GRIK3: variants seen among roughly 807,000 people sequenced by gnomAD.
GRIK3 encodes glutamate receptor ionotropic, kainate 3.
A neutral mutation model predicts 102.5 loss-of-function variants in GRIK3; 29 were observed. That is an observed-to-expected ratio of 0.28 (90% CI 0.21 to 0.39). The LOEUF (loss-of-function observed/expected upper bound fraction) is 0.39, where lower values mean the gene tolerates loss of function less well. GRIK3 is among the 10% of genes least tolerant of loss of function. GRIK3 has a pLI of 1.00. For synonymous variants in GRIK3, 511 were observed against 504.9 expected (o/e 1.01, Z -0.16); for missense variants, 908 against 1,252.4 (o/e 0.73, Z 4.15).
At chr1:36,976,366 AT>A (rs3834055) in intron 1 of GRIK3, among the ~76,000 whole-genome samples, 2 of 151,716 alleles carry the variant, frequency 1.3e-5, no homozygotes, top group South Asian at 2.1e-4. Context: ...ATGAATGTGC[AT>A]TTTTTTTCGG....
intron 1 of GRIK3, among the ~76,000 whole-genome samples, chr1:36,949,184 C>T (rs938171561): frequency 1.3e-5 from 2 of 152,224 alleles, no homozygotes; most frequent in African/African-American, 4.8e-5. Context: ...GGCCCTGGCC[C>T]CAGACACAGA....
intron 5 of GRIK3, among the ~76,000 whole-genome samples, chr1:36,861,334 T>C (rs1310047576): frequency 2.6e-5 from 4 of 152,184 alleles, no homozygotes; most frequent in African/African-American, 9.7e-5. Flanking sequence ...CTATCTGAGC[T>C]CCTCCTCGTC....
intron 1 of GRIK3, among the ~76,000 whole-genome samples, chr1:36,918,534 TCTGACACACCCCTA>T (rs563473709): frequency 0.034 from 5,151 of 152,268 alleles, 201 homozygotes; most frequent in East Asian, 0.1. Flanking sequence ...TGGTTTAATC[TCTGACACACCCCTA>T]AATATTAATA....
chr1:36,855,063 T>C (rs1230228337), intron 7 of GRIK3, among the ~76,000 whole-genome samples: 1 of 152,060 alleles, frequency 6.6e-6, no homozygotes, highest in Non-Finnish European at 1.5e-5. Flanking sequence ...GGCCCACACA[T>C]CCTGGAGTCC....
At chr1:36,908,207 C>T (rs1445093688) in intron 1 of GRIK3, among the ~76,000 whole-genome samples, 1 of 152,226 alleles carries the variant, frequency 6.6e-6, no homozygotes, top group Non-Finnish European at 1.5e-5. Context: ...CCTCTATAAA[C>T]CCCATGCATC....
At chr1:37,007,947 G>A (rs1035498292) in intron 1 of GRIK3, among the ~76,000 whole-genome samples, 1 of 152,312 alleles carries the variant, frequency 6.6e-6, no homozygotes, top group Non-Finnish European at 1.5e-5. Context: ...CTGAGGGCTC[G>A]AGTGCTCTTC....
At chr1:36,936,802 C>A (rs969236169) in intron 1 of GRIK3, among the ~76,000 whole-genome samples, 1 of 120,086 alleles carries the variant, frequency 8.3e-6, no homozygotes, top group Non-Finnish European at 1.8e-5. Flanking sequence ...GAATGTCAGA[C>A]TTTAACCTCA....
At chr1:37,007,892 G>A (rs1327504337) in intron 1 of GRIK3, among the ~76,000 whole-genome samples, 3 of 152,208 alleles carry the variant, frequency 2.0e-5, no homozygotes, top group Non-Finnish European at 4.4e-5. Context: ...GGAAGTGGGG[G>A]CCCTAATGCA....
intron 1 of GRIK3, among the ~76,000 whole-genome samples, chr1:36,962,662 G>A (rs1047857306): frequency 6.8e-6 from 1 of 147,260 alleles, no homozygotes; most frequent in African/African-American, 2.6e-5. Flanking sequence ...GAGAGAGAGA[G>A]AGAGAACAGA....
intron 1 of GRIK3, among the ~76,000 whole-genome samples, chr1:36,965,579 A>C (rs944234940): frequency 6.6e-6 from 1 of 152,114 alleles, no homozygotes; most frequent in African/African-American, 2.4e-5. Context: ...TCCCAGGGGA[A>C]TGTGATTTAA....
intron 1 of GRIK3, among the ~76,000 whole-genome samples, chr1:36,966,848 C>T (rs1642084513): frequency 6.6e-6 from 1 of 152,144 alleles, no homozygotes; most frequent in Admixed American, 6.5e-5. Flanking sequence ...AATAATAGAG[C>T]CGGGCATGGT....
chr1:36,885,387 CA>C (rs2124267770), intron 2 of GRIK3, among the ~76,000 whole-genome samples: 1 of 152,122 alleles, frequency 6.6e-6, no homozygotes, highest in Non-Finnish European at 1.5e-5. Flanking sequence ...GAGGTGATGA[CA>C]GTGGGGGTAG....
chr1:37,008,770 G>C (rs1642558029), intron 1 of GRIK3, among the ~76,000 whole-genome samples: 1 of 152,222 alleles, frequency 6.6e-6, no homozygotes, highest in South Asian at 2.1e-4. Context: ...AGCGAGGTCA[G>C]AAAATTCTGA....
At chr1:36,861,377 C>T (rs1253464948) in intron 5 of GRIK3, among the ~76,000 whole-genome samples, 1 of 152,232 alleles carries the variant, frequency 6.6e-6, no homozygotes, top group Admixed American at 6.5e-5. Context: ...TCTCCCCTCA[C>T]TAAGCTGCCC....
intron 1 of GRIK3, among the ~76,000 whole-genome samples, chr1:36,991,245 G>C (rs1642360633): frequency 1.3e-5 from 2 of 152,192 alleles, no homozygotes; most frequent in South Asian, 4.1e-4. Flanking sequence ...GTATATCATA[G>C]GTGCATCATA....
intron 1 of GRIK3, among the ~76,000 whole-genome samples, chr1:36,903,325 T>G (rs558558): frequency 0.89 from 135,893 of 152,308 alleles, 60,844 homozygotes; most frequent in East Asian, 0.99. Context: ...AACACCAAAG[T>G]CTGGCAAGGA....
In GRIK3 at chr1:36,880,863, C is replaced by T; in HGVS notation, c.321G>A (p.Val107=). ...AGCCCTGTGATGGGCCGAAGATCGC[C>T]ACCACGCCCAGTGCCAGCTGGTCAC... The part of the protein sequence containing the change: ...KACDQLALGV[V]AIFGPSQGSC... Residue 107 remains valine, a synonymous_variant, in exon 3 of 16, where the codon GTG becomes GTA. Transcript: ENST00000373091. This position sits in a 1 kb window ranked among gnomAD's most constrained non-coding sequence, Gnocchi z 5.4. 6.2e-7 allele frequency: 1 copy of T among 1,611,730 alleles called. No homozygotes were observed. The highest frequency in any genetic ancestry group is 8.5e-7 in the Non-Finnish European group (1 of 1,178,774).
At chr1:37,020,852 C>T (rs1267640209) in intron 1 of GRIK3, among the ~76,000 whole-genome samples, 4 of 152,214 alleles carry the variant, frequency 2.6e-5, no homozygotes, top group East Asian at 1.9e-4. Flanking sequence ...CGGCTACCCC[C>T]GGCCCTGGCT....
chr1:36,975,619 A>C (rs2124361951), intron 1 of GRIK3, among the ~76,000 whole-genome samples: 1 of 152,354 alleles, frequency 6.6e-6, no homozygotes, highest in South Asian at 2.1e-4. Flanking sequence ...CAAAACAATG[A>C]GAAGTAAATG....
Sources: gnomAD v4.1 joint callset for allele counts (sites outside exome capture counted in the v4.1 genomes callset) on GRCh38, gnomAD v4.1.1 for gene constraint, Gnocchi (gnomAD v3.1) non-coding constraint, MANE v1.5 for transcripts, NCBI Gene and HGNC (gene_info 2026-07-23, HGNC 2026-07-21) for gene names.